TBC1D1: variants seen among roughly 807,000 people sequenced by gnomAD.
TBC1D1 encodes TBC1 domain family member 1.
In TBC1D1, 89 loss-of-function variants were observed where a neutral mutation model predicts 125.6. The observed-to-expected ratio is 0.71, with a 90% confidence interval of 0.60 to 0.85. The LOEUF (loss-of-function observed/expected upper bound fraction) is 0.85. Ranked by LOEUF, TBC1D1 falls within the 40% of genes least tolerant of loss-of-function variation. The probability of loss-of-function intolerance (pLI) is 0.00; values close to 1 mark genes in which losing one functional copy is unlikely to be tolerated. For synonymous variants in TBC1D1, 565 were observed against 564.1 expected (o/e 1.00, Z -0.02); for missense variants, 1,377 against 1,469.2 (o/e 0.94, Z 1.03).
In TBC1D1 at chr4:37,895,469, C is replaced by T. The variant is rs528531361; in HGVS notation, c.-94+4121C>T. Among the ~76,000 whole-genome samples the T allele has an allele frequency of 6.6e-5, 10 of 152,098 alleles. No homozygotes were observed. The East Asian group carries it at 1.4e-3, about 21-fold the overall frequency. On this transcript the variant is annotated intron_variant, in intron 1 of 19. Transcript: ENST00000261439. ...CTGTAATCCCAGCACTTTGGGAGGC[C>T]GAGGCTGGCAGATCACTTGAGGTCA...
At chr4:38,096,334 G>A (rs926536438) in intron 14 of TBC1D1, among the ~76,000 whole-genome samples, 3 of 152,144 alleles carry the variant, frequency 2.0e-5, no homozygotes, top group Admixed American at 6.5e-5. Context: ...CAAGGGTTTT[G>A]TTGCCTATAA....
At chr4:37,907,711 C>T (rs1717633194) in intron 2 of TBC1D1, among the ~76,000 whole-genome samples, 1 of 152,184 alleles carries the variant, frequency 6.6e-6, no homozygotes, top group Non-Finnish European at 1.5e-5. Context: ...ATGAGTGACC[C>T]TGACTAGATC....
chr4:37,944,911 C>T (rs996730235), intron 2 of TBC1D1, among the ~76,000 whole-genome samples: 3 of 152,178 alleles, frequency 2.0e-5, no homozygotes, highest in East Asian at 1.9e-4. Flanking sequence ...AGAAATCACC[C>T]GTCTTCTGTG....
chr4:37,923,816 A>T (rs1281640852), intron 2 of TBC1D1, among the ~76,000 whole-genome samples: 2 of 151,558 alleles, frequency 1.3e-5, no homozygotes, highest in African/African-American at 4.9e-5. Flanking sequence ...AGTAGCTGGG[A>T]CTACAGGTGT....
At chr4:37,901,856 A>G in intron 1 of TBC1D1, 147 bp from the exon 2 acceptor site, 1 of 419,736 alleles carries the variant, frequency 2.4e-6, no homozygotes, top group Non-Finnish European at 4.2e-6. Flanking sequence ...CAATTTTGAG[A>G]AAGTTCTTTC....
Position 38,087,066 on chromosome 4 carries a change from A to G in TBC1D1, c.2051-2866A>G, listed in dbSNP as rs528680197. Among the ~76,000 whole-genome samples, 136 of 152,316 alleles carry G rather than the reference A, an allele frequency of 8.9e-4. 1 individual carries two copies. Among genetic ancestry groups the G allele is most frequent in the African/African-American group, 3.1e-3 (130 of 41,578 alleles). ...TGGAGATCATAATATCACCTGTCCT[A>G]TGAGATTGTTGTAAGAATCAAACAA... On this transcript the variant is annotated intron_variant, in intron 12 of 19. Transcript: ENST00000261439.
In TBC1D1 at chr4:38,103,032, A is replaced by G; in HGVS notation, c.2432A>G (p.Lys811Arg). The G allele has an allele frequency of 6.2e-7, 1 of 1,614,158 alleles. No homozygotes were observed. Among genetic ancestry groups the G allele is most frequent in the Non-Finnish European group, 8.5e-7 (1 of 1,180,014 alleles). The stretch of plus-strand genomic sequence containing the variant: ...CGTCATCACCGAGGTGAAATCTGGA[A>G]ATTTCTAGCTGAGCAATTCCACCTT... Residue 811 changes from lysine to arginine, a missense_variant, in exon 15 of 20, where the codon AAA becomes AGA. Lys to Arg is a conservative substitution (Grantham distance 26, BLOSUM62 2). Transcript: ENST00000261439.
Position 37,895,525 on chromosome 4 carries a change from G to A in TBC1D1, c.-94+4177G>A, listed in dbSNP as rs548582849. Among the ~76,000 whole-genome samples the A allele has an allele frequency of 2.8e-3, 424 of 152,174 alleles. 2 individuals carry two copies. Among genetic ancestry groups the A allele is most frequent in the African/African-American group, 1.0e-2 (414 of 41,500 alleles). ...TGGAGACCAGCCTGGCAAACATGAC[G>A]AAATCTCATCTCTACCAAAAATACA... is the stretch of plus-strand genomic sequence containing the variant. On this transcript the variant is annotated intron_variant, in intron 1 of 19. Coordinates refer to ENST00000261439, the MANE Select transcript of TBC1D1 (RefSeq NM_015173.4).
chr4:37,977,408 C>T lies in TBC1D1; in HGVS notation c.418-37101C>T, dbSNP rs1218042958. The T allele has an allele frequency of 7.5e-6, 6 of 795,454 alleles. No individual in the cohort carries two copies. Among genetic ancestry groups the T allele is most frequent in the African/African-American group, 5.7e-5 (3 of 53,032 alleles). The allele number at this position is 795,454 out of a possible 1,614,324, so 49.3% of individuals were successfully genotyped here. A position where few individuals can be genotyped will look rare whatever the true frequency, so the allele number is the denominator to read the frequency against. ...AGAGCGATGCCCCGGCCCCGCCGCT[C>T]CCCAAGCCCGCCCCCGGCCGCCCGC... On this transcript the variant is annotated intron_variant, in intron 2 of 19. Transcript: ENST00000261439. This position sits in a 1 kb window ranked among gnomAD's most constrained non-coding sequence, Gnocchi z 4.3.
At chr4:38,018,550 T>C in intron 4 of TBC1D1, 107 bp downstream of exon 4, 1 of 689,660 alleles carries the variant, frequency 1.4e-6, no homozygotes, top group Non-Finnish European at 2.4e-6. Flanking sequence ...GTATGTTTTC[T>C]AAGTACTGTA....
intron 2 of TBC1D1, among the ~76,000 whole-genome samples, chr4:37,947,854 A>G (rs759868512): frequency 6.6e-6 from 1 of 152,160 alleles, no homozygotes; most frequent in Non-Finnish European, 1.5e-5. Flanking sequence ...AGACATGTTC[A>G]TATGTCAAAA....
intron 12 of TBC1D1, among the ~76,000 whole-genome samples, chr4:38,059,944 C>T (rs1294646775): frequency 1.3e-5 from 2 of 152,148 alleles, no homozygotes; most frequent in Middle Eastern, 3.2e-3. Flanking sequence ...TCTCATGATT[C>T]AGCTCCCATC....
intron 1 of TBC1D1, among the ~76,000 whole-genome samples, chr4:37,901,769 T>C (rs1011577212): frequency 2.0e-5 from 3 of 152,266 alleles, no homozygotes; most frequent in Non-Finnish European, 4.4e-5. Context: ...TTGTGTTTCA[T>C]AGTAGTTTCC....
intron 14 of TBC1D1, among the ~76,000 whole-genome samples, chr4:38,101,879 T>TC (rs1760399048): frequency 6.6e-6 from 1 of 152,152 alleles, no homozygotes; most frequent in South Asian, 2.1e-4. Context: ...CACTCTCGGT[T>TC]CCCTCTCTCT....
chr4:38,049,518 A>G (rs1750080696), intron 10 of TBC1D1, 100 bp from the exon 11 acceptor site: 2 of 1,384,218 alleles, frequency 1.4e-6, no homozygotes, highest in Non-Finnish European at 2.0e-6. Flanking sequence ...ATCAGAACAC[A>G]TACTTAGATA....
intron 14 of TBC1D1, among the ~76,000 whole-genome samples, chr4:38,097,771 C>G (rs750893437): frequency 2.6e-5 from 4 of 152,204 alleles, no homozygotes; most frequent in Non-Finnish European, 4.4e-5. Flanking sequence ...AGCCACTGCA[C>G]CCGGCCTGCA....
At chr4:37,928,614 C>G (rs766256464) in intron 2 of TBC1D1, among the ~76,000 whole-genome samples, 3 of 152,214 alleles carry the variant, frequency 2.0e-5, no homozygotes, top group Non-Finnish European at 4.4e-5. Flanking sequence ...AGTGGGTATA[C>G]TTTTGAAAAT....
intron 1 of TBC1D1, among the ~76,000 whole-genome samples, chr4:37,901,098 T>C (rs1715888050): frequency 6.8e-6 from 1 of 147,456 alleles, no homozygotes. Flanking sequence ...AGAAAGAACA[T>C]AGACAGGGAA....
chr4:37,946,757 G>C (rs948003769), intron 2 of TBC1D1, among the ~76,000 whole-genome samples: 3 of 152,186 alleles, frequency 2.0e-5, no homozygotes, highest in African/African-American at 7.2e-5. Flanking sequence ...AGTTGCGGCA[G>C]TGTCGATTGT....
Sources: allele counts gnomAD v4.1 joint callset (sites outside exome capture counted in the v4.1 genomes callset), GRCh38; gene constraint gnomAD v4.1.1; non-coding constraint Gnocchi (gnomAD v3.1); transcripts MANE v1.5; gene names NCBI Gene and HGNC (gene_info 2026-07-23, HGNC 2026-07-21).